The following FOXO3 variants were observed in gnomAD, a reference collection of about 807,000 sequenced individuals.
The protein encoded by FOXO3 is forkhead box O3, also known as forkhead box protein O3.
In FOXO3, 4 loss-of-function variants were observed where a neutral mutation model predicts 41.9. The observed-to-expected ratio is 0.10, with a 90% CI of 0.05 to 0.22. The LOEUF is 0.22. Ranked by LOEUF, FOXO3 falls within the 10% of genes least tolerant of loss-of-function variation. The pLI is 1.00. For missense variants in FOXO3, 534 were observed against 906.8 expected (o/e 0.59, Z 5.28); for synonymous variants, 318 against 389.3 (o/e 0.82, Z 2.16).
chr6:108,644,117 C>G (rs559694081), intron 1 of FOXO3, among the ~76,000 whole-genome samples: 2 of 152,308 alleles, frequency 1.3e-5, no homozygotes, highest in East Asian at 3.9e-4. Flanking sequence ...ATCCTGTTCC[C>G]TCTCCCTCTC....
intron 1 of FOXO3, among the ~76,000 whole-genome samples, chr6:108,616,585 C>T (rs993089951): frequency 6.6e-6 from 1 of 152,214 alleles, no homozygotes; most frequent in Non-Finnish European, 1.5e-5. Context: ...GTGTGAGCCA[C>T]TGCGCCCAGC....
chr6:108,600,110 C>T (rs1438330350), intron 1 of FOXO3, among the ~76,000 whole-genome samples: 1 of 152,168 alleles, frequency 6.6e-6, no homozygotes, highest in Admixed American at 6.5e-5. Flanking sequence ...CTTGGGAAAG[C>T]TTCTGTGGCT....
Position 108,664,896 on chromosome 6 carries a change from G to A in FOXO3, c.*34+7G>A, listed in dbSNP as rs1403759804. 7 of 1,593,218 alleles carry A rather than the reference G, an allele frequency of 4.4e-6. No individual in the cohort carries two copies. Among genetic ancestry groups the A allele is most frequent in the Non-Finnish European group, 6.0e-6 (7 of 1,169,118 alleles). On this transcript the variant is annotated splice_region_variant and intron_variant, in intron 2 of 2. Coordinates refer to ENST00000406360, the MANE Select transcript of FOXO3 (RefSeq NM_001455.4). ...GGGGAAGTGGGCAAAGCAGGTCAGT[G>A]CCGAATGCTATGGCATAAAAATAAC...
intron 1 of FOXO3, among the ~76,000 whole-genome samples, chr6:108,661,532 T>A (rs1778864491): frequency 2.6e-5 from 4 of 152,154 alleles, no homozygotes; most frequent in Admixed American, 1.3e-4. Context: ...CTGCAGGCCA[T>A]GAACTCTCTC....
intron 1 of FOXO3, among the ~76,000 whole-genome samples, chr6:108,617,079 G>T (rs1422816114): frequency 6.6e-6 from 1 of 152,158 alleles, no homozygotes; most frequent in Non-Finnish European, 1.5e-5. Flanking sequence ...GAATAATGCT[G>T]CTGTGAACAT....
intron 1 of FOXO3, among the ~76,000 whole-genome samples, chr6:108,587,762 AC>A (rs1776623187): frequency 6.6e-6 from 1 of 152,182 alleles, no homozygotes; most frequent in African/African-American, 2.4e-5. Flanking sequence ...ATCTGTACTT[AC>A]TTGACTTCCC....
At chr6:108,638,491 C>T (rs1439897359) in intron 1 of FOXO3, among the ~76,000 whole-genome samples, 3 of 152,158 alleles carry the variant, frequency 2.0e-5, no homozygotes, top group Non-Finnish European at 4.4e-5. Flanking sequence ...TCTCTGGACA[C>T]CAGTGTTTTC....
chr6:108,560,999 TGGC>T lies in FOXO3; in HGVS notation c.-206_-204del, dbSNP rs1582719817. 1.5e-5 allele frequency: 20 copies of T among 1,364,746 alleles called. No homozygotes were observed. The East Asian group carries it at 5.9e-4, about 40-fold the overall frequency. The allele number at this position is 1,364,746 out of a possible 1,614,324, so 84.5% of individuals were successfully genotyped here. A position where few individuals can be genotyped will look rare whatever the true frequency, so the allele number is the denominator to read the frequency against. ...AGGCGGGCGCGGCAGGACTGGGAGG[TGGC>T]GGCAGCGGGCGAGGACTCGCCGAGG... On this transcript the variant is annotated 5_prime_UTR_variant, in exon 1 of 3. Coordinates refer to ENST00000406360, the MANE Select transcript of FOXO3 (RefSeq NM_001455.4).
intron 1 of FOXO3, among the ~76,000 whole-genome samples, chr6:108,581,680 T>C (rs1176058987): frequency 6.6e-6 from 1 of 151,848 alleles, no homozygotes; most frequent in Non-Finnish European, 1.5e-5. Flanking sequence ...AAAAAAAAAG[T>C]TTTGTGTTTT....
intron 1 of FOXO3, among the ~76,000 whole-genome samples, chr6:108,570,302 T>A (rs1449782491): frequency 6.6e-6 from 1 of 151,512 alleles, no homozygotes; most frequent in Non-Finnish European, 1.5e-5. Flanking sequence ...CCCGGCTCCC[T>A]TGTGTATTTT....
chr6:108,612,759 A>G (rs1376619740), intron 1 of FOXO3, among the ~76,000 whole-genome samples: 16 of 151,594 alleles, frequency 1.1e-4, no homozygotes, highest in African/African-American at 2.2e-4. Flanking sequence ...TTCTTGCCTT[A>G]TTTCACTGGC....
intron 2 of FOXO3, among the ~76,000 whole-genome samples, chr6:108,668,022 A>G (rs964521005): frequency 2.0e-5 from 3 of 152,230 alleles, no homozygotes; most frequent in Non-Finnish European, 2.9e-5. Context: ...AGACTCTCCT[A>G]AATTCACAGA....
intron 1 of FOXO3, among the ~76,000 whole-genome samples, chr6:108,610,465 G>A (rs551532166): frequency 3.0e-4 from 45 of 152,280 alleles, no homozygotes; most frequent in African/African-American, 1.1e-3. Flanking sequence ...TTCATGGGCT[G>A]AGCCTCTTCA....
Position 108,560,933 on chromosome 6 carries a change from G to C in FOXO3, c.-276G>C, listed in dbSNP as rs1001115594. Reference sequence around the variant, plus strand: ...CCGGGGGGCGGTGTCTGCTGCGCCAGGTTCGCTGGCCGCACGTCTTCAGGT... The same window carrying C: ...CCGGGGGGCGGTGTCTGCTGCGCCACGTTCGCTGGCCGCACGTCTTCAGGT... On this transcript the variant is annotated 5_prime_UTR_variant, in exon 1 of 3. Coordinates refer to ENST00000406360, the MANE Select transcript of FOXO3 (RefSeq NM_001455.4). The C allele has an allele frequency of 2.3e-6, 3 of 1,288,910 alleles. No homozygotes were observed. Among genetic ancestry groups the C allele is most frequent in the Admixed American group, 4.2e-5 (1 of 23,736 alleles). The allele number at this position is 1,288,910 out of a possible 1,614,324, so 79.8% of individuals were successfully genotyped here. A position where few individuals can be genotyped will look rare whatever the true frequency, so the allele number is the denominator to read the frequency against.
At chr6:108,603,635 T>A (rs1777114275) in intron 1 of FOXO3, among the ~76,000 whole-genome samples, 1 of 152,164 alleles carries the variant, frequency 6.6e-6, no homozygotes, top group Non-Finnish European at 1.5e-5. Flanking sequence ...GTATTAAATA[T>A]AACCTGATTT....
intron 1 of FOXO3, among the ~76,000 whole-genome samples, chr6:108,612,027 C>G (rs1264471877): frequency 1.3e-5 from 2 of 152,106 alleles, no homozygotes; most frequent in East Asian, 3.9e-4. Flanking sequence ...CTACATTGGT[C>G]TTTATTACTG....
intron 1 of FOXO3, among the ~76,000 whole-genome samples, chr6:108,628,500 G>A (rs1203501197): frequency 2.0e-5 from 3 of 152,178 alleles, no homozygotes; most frequent in African/African-American, 7.2e-5. Flanking sequence ...ACAAGAAAAA[G>A]AACTAGTAGG....
chr6:108,669,573 G>T (rs1336849806), intron 2 of FOXO3, among the ~76,000 whole-genome samples: 1 of 152,044 alleles, frequency 6.6e-6, no homozygotes, highest in East Asian at 1.9e-4. Context: ...CATCTTCAGG[G>T]ATCTTTATTC....
intron 1 of FOXO3, among the ~76,000 whole-genome samples, chr6:108,637,549 A>G (rs1458440114): frequency 3.9e-5 from 6 of 152,170 alleles, no homozygotes; most frequent in Non-Finnish European, 8.8e-5. Context: ...ATGCAGGTTT[A>G]TTATACATAT....
Sources: gnomAD v4.1 joint callset for allele counts (sites outside exome capture counted in the v4.1 genomes callset) on GRCh38, gnomAD v4.1.1 for gene constraint, MANE v1.5 for transcripts, NCBI Gene and HGNC (gene_info 2026-07-23, HGNC 2026-07-21) for gene names.